The following FOXO1 variants were observed in gnomAD, a reference collection of about 807,000 sequenced individuals.
The protein encoded by FOXO1 is forkhead box O1.
Under a neutral mutation model 44.1 loss-of-function variants are expected in FOXO1, and 6 were observed. The observed-to-expected ratio is 0.14, with a 90% CI of 0.07 to 0.27. The LOEUF is 0.27. Ranked by LOEUF, FOXO1 falls within the 10% of genes least tolerant of loss-of-function variation. The pLI, the probability that FOXO1 is intolerant of heterozygous loss-of-function variation, is 1.00. For missense variants in FOXO1, 737 were observed against 888.8 expected (o/e 0.83, Z 2.17); for synonymous variants, 380 against 362.7 (o/e 1.05, Z -0.54).
chr13:40,640,788 GTTGTTGTTGTT>G (rs147243021), intron 1 of FOXO1, among the ~76,000 whole-genome samples: 25,453 of 135,606 alleles, frequency 0.19, 2,466 homozygotes, highest in South Asian at 0.32. Context: ...TGTTGTTGTT[GTTGTTGTTGTT>G]TGAGACAGAG....
At position 40,558,347 on chromosome 13, in the gene FOXO1, T is replaced by A. The variant is rs1258482759; in HGVS notation, c.*702A>T. The A allele has an allele frequency of 6.5e-6, 1 of 152,740 alleles. No individual in the cohort carries two copies. Among genetic ancestry groups the A allele is most frequent in the African/African-American group, 2.4e-5 (1 of 41,452 alleles). The allele number at this position is 152,740 out of a possible 1,614,324, so 9.5% of individuals were successfully genotyped here. A position where few individuals can be genotyped will look rare whatever the true frequency, so the allele number is the denominator to read the frequency against. On this transcript the variant is annotated 3_prime_UTR_variant, in exon 3 of 3. Transcript: ENST00000379561. ...GAACCATTTAAATGTTTGTACAAAT[T>A]TGCAAATAACAAAATAAACAAAAAA...
Position 40,666,300 on chromosome 13 carries a change from A to C in FOXO1, c.-88T>G. ...GCGGACGGGGAGGGGGCGCGAAGGG[A>C]CGGTCCGAGATTTGGGGGAACGAAG... On this transcript the variant is annotated 5_prime_UTR_variant, in exon 1 of 3. Transcript: ENST00000379561. 8.8e-7 allele frequency: 1 copy of C among 1,140,496 alleles called. No individual in the cohort carries two copies. Among genetic ancestry groups the C allele is most frequent in the Non-Finnish European group, 1.1e-6 (1 of 879,380 alleles). The allele number at this position is 1,140,496 out of a possible 1,614,324, so 70.6% of individuals were successfully genotyped here.
At chr13:40,665,507 G>C in intron 1 of FOXO1, 76 bp downstream of exon 1, 1 of 1,230,138 alleles carries the variant, frequency 8.1e-7, no homozygotes, top group Non-Finnish European at 1.0e-6. Flanking sequence ...CCTTCAGGCC[G>C]AGCAAACCTG....
At chr13:40,643,171 G>A (rs568943026) in intron 1 of FOXO1, among the ~76,000 whole-genome samples, 18 of 151,884 alleles carry the variant, frequency 1.2e-4, no homozygotes, top group Admixed American at 3.3e-4. Context: ...GTGAAACCCC[G>A]TCTCTACTAA....
intron 1 of FOXO1, among the ~76,000 whole-genome samples, chr13:40,600,037 C>A (rs1307831653): frequency 6.6e-6 from 1 of 152,204 alleles, no homozygotes; most frequent in Non-Finnish European, 1.5e-5. Flanking sequence ...ACTCCATGCT[C>A]TACTGTGGAG....
intron 1 of FOXO1, among the ~76,000 whole-genome samples, chr13:40,616,638 G>A (rs1211308522): frequency 2.6e-5 from 4 of 152,172 alleles, no homozygotes; most frequent in African/African-American, 9.7e-5. Flanking sequence ...TATTGCTGGA[G>A]GTATCGGAAG....
At chr13:40,630,893 T>C (rs1198364791) in intron 1 of FOXO1, among the ~76,000 whole-genome samples, 1 of 152,146 alleles carries the variant, frequency 6.6e-6, no homozygotes, top group Non-Finnish European at 1.5e-5. Flanking sequence ...TCTGCAGGAA[T>C]GTGGTTCAGA....
At chr13:40,573,826 G>A (rs1159148433) in intron 1 of FOXO1, among the ~76,000 whole-genome samples, 3 of 152,196 alleles carry the variant, frequency 2.0e-5, no homozygotes, top group Non-Finnish European at 4.4e-5. Context: ...TTGTGTTTGA[G>A]GATGAAAACA....
At chr13:40,655,724 C>T (rs1877839282) in intron 1 of FOXO1, among the ~76,000 whole-genome samples, 1 of 146,200 alleles carries the variant, frequency 6.8e-6, no homozygotes, top group South Asian at 2.1e-4. Context: ...CTCACTACAG[C>T]CTCCACCTCA....
At chr13:40,663,676 T>G (rs1315170568) in intron 1 of FOXO1, among the ~76,000 whole-genome samples, 1 of 152,244 alleles carries the variant, frequency 6.6e-6, no homozygotes, top group African/African-American at 2.4e-5. Flanking sequence ...TATGCTGAAC[T>G]TAACGGTAAG....
intron 1 of FOXO1, among the ~76,000 whole-genome samples, chr13:40,612,400 C>G (rs991080652): frequency 9.2e-5 from 14 of 152,202 alleles, no homozygotes; most frequent in Non-Finnish European, 2.1e-4. Flanking sequence ...AAAAATGTTA[C>G]AGGGTCTCCA....
intron 1 of FOXO1, among the ~76,000 whole-genome samples, chr13:40,659,714 T>C (rs1877977992): frequency 6.6e-6 from 1 of 152,144 alleles, no homozygotes. Flanking sequence ...GCCTGCCAAG[T>C]AGCAAGAATA....
At chr13:40,617,506 C>T (rs1381963729) in intron 1 of FOXO1, among the ~76,000 whole-genome samples, 1 of 151,714 alleles carries the variant, frequency 6.6e-6, no homozygotes, top group Admixed American at 6.6e-5. Context: ...GGTGGGAAAT[C>T]ATATCAGAAC....
intron 1 of FOXO1, among the ~76,000 whole-genome samples, chr13:40,571,268 T>C (rs1021479515): frequency 3.1e-4 from 47 of 152,090 alleles, no homozygotes; most frequent in African/African-American, 8.9e-4. Flanking sequence ...ATATACCTAA[T>C]GTAAATGACG....
At chr13:40,590,514 T>C (rs1875328769) in intron 1 of FOXO1, among the ~76,000 whole-genome samples, 1 of 152,180 alleles carries the variant, frequency 6.6e-6, no homozygotes, top group Non-Finnish European at 1.5e-5. Flanking sequence ...GAACAAGAAC[T>C]AAAATATGGA....
intron 1 of FOXO1, among the ~76,000 whole-genome samples, chr13:40,599,214 G>A (rs1345145524): frequency 4.1e-4 from 59 of 143,108 alleles, no homozygotes; most frequent in African/African-American, 1.3e-3. Flanking sequence ...TGAAAAACAC[G>A]CTGAAAAAAA....
At chr13:40,659,918 A>T (rs1877984501) in intron 1 of FOXO1, among the ~76,000 whole-genome samples, 1 of 152,228 alleles carries the variant, frequency 6.6e-6, no homozygotes, top group Non-Finnish European at 1.5e-5. Context: ...TACAAATAAC[A>T]AGTAGTAATA....
At chr13:40,564,639 G>A (rs1290127144) in intron 1 of FOXO1, among the ~76,000 whole-genome samples, 5 of 152,220 alleles carry the variant, frequency 3.3e-5, no homozygotes, top group South Asian at 2.1e-4. Flanking sequence ...CAGCAGAGCC[G>A]CGTGAGACTG....
At chr13:40,629,180 T>C (rs1338218144) in intron 1 of FOXO1, among the ~76,000 whole-genome samples, 2 of 152,036 alleles carry the variant, frequency 1.3e-5, no homozygotes, top group African/African-American at 2.4e-5. Context: ...TTCACTCTTG[T>C]TGCCCAGGCT....
Sources: gnomAD v4.1 joint callset for allele counts (sites outside exome capture counted in the v4.1 genomes callset) on GRCh38, gnomAD v4.1.1 for gene constraint, MANE v1.5 for transcripts, NCBI Gene and HGNC (gene_info 2026-07-23, HGNC 2026-07-21) for gene names.